The following DGKK variants were observed in gnomAD, a reference collection of about 807,000 sequenced individuals.
DGKK encodes the protein 142 kDa diacylglycerol kinase.
A neutral mutation model predicts 92.2 loss-of-function variants in DGKK; 35 were observed. The observed-to-expected ratio is 0.38, with a 90% CI of 0.29 to 0.50. The LOEUF (loss-of-function observed/expected upper bound fraction) is 0.50. Ranked by LOEUF, DGKK falls within the 20% of genes least tolerant of loss-of-function variation. DGKK has a pLI of 0.92. For synonymous variants in DGKK, 368 were observed against 360.6 expected (o/e 1.02, Z -0.23); for missense variants, 910 against 992.2 (o/e 0.92, Z 1.11).
intron 1 of DGKK, among the ~76,000 whole-genome samples, chrX:50,462,882 C>CTTTT (rs548003185): frequency 1.9e-4 from 3 of 15,786 alleles, no homozygotes; most frequent in African/African-American, 3.5e-4. Context: ...CCTTTCCTTG[C>CTTTT]TTTTTTTTTT....
At position 50,461,257 on chromosome X, in the gene DGKK, G is replaced by C. The variant is rs1025574476; in HGVS notation, c.645+8777C>G. Among the ~76,000 whole-genome samples the C allele has an allele frequency of 3.6e-5, 4 of 112,025 alleles. 1 individual carries two copies. Among genetic ancestry groups the C allele is most frequent in the Admixed American group, 2.8e-4 (3 of 10,582 alleles). ...GAACTTTAAGCTAAAATGAACAAGTGTTTCCTAAATCCAAGGTAGAATAAT... is the reference window on the plus strand; with the variant it reads ...GAACTTTAAGCTAAAATGAACAAGTCTTTCCTAAATCCAAGGTAGAATAAT... On this transcript the variant is annotated intron_variant, in intron 1 of 27. Coordinates refer to ENST00000611977, the MANE Select transcript of DGKK (RefSeq NM_001013742.4).
rs782452639 is a variant in DGKK, at chrX:50,470,268, C to T, written c.411G>A (p.Pro137=). The change falls in exon 1 of 28, where the codon CCG becomes CCA. Residue 137 remains proline (P), a synonymous_variant. Transcript: ENST00000611977. ...PEPALESVPE[P]APELTPEVAP... ...CAACTTCTGGAGTCAGCTCTGGGGC[C>T]GGCTCTGGGACCGACTCTAGGGCAG... 1 of 1,205,817 alleles carries T rather than the reference C, an allele frequency of 8.3e-7. No homozygotes were observed. The highest frequency in any genetic ancestry group is 3.0e-5 in the East Asian group (1 of 33,664).
rs149562186 is a variant in DGKK, at chrX:50,449,930, C to T, written c.645+20104G>A. Among the ~76,000 whole-genome samples, 25 of 110,963 alleles carry T rather than the reference C, an allele frequency of 2.3e-4. No homozygotes were observed. In the East Asian group the frequency reaches 5.5e-3, roughly 24 times the overall value. On this transcript the variant is annotated intron_variant, in intron 1 of 27. Transcript: ENST00000611977. ...AGAAAATGTGTAGATTAGCCTTCTG[C>T]GAGATGGACTTGAGAAACAAGGCAC...
At chrX:50,450,220 G>A (rs782085370) in intron 1 of DGKK, among the ~76,000 whole-genome samples, 1 of 112,414 alleles carries the variant, frequency 8.9e-6, no homozygotes, top group Non-Finnish European at 1.9e-5. Context: ...TCATTTGCTG[G>A]AAGTCCAAGG....
chrX:50,433,749 CAGTGAAAGGAATAGTATAAGTG>C (rs1925950312), intron 1 of DGKK, among the ~76,000 whole-genome samples: 1 of 111,323 alleles, frequency 9.0e-6, no homozygotes, highest in Middle Eastern at 4.2e-3. Context: ...ACAGGAAATC[CAGTGAAAGGAATAGTATAAGTG>C]GAAGCTTCAT....
chrX:50,458,196 A>C (rs965180880), intron 1 of DGKK, among the ~76,000 whole-genome samples: 7 of 111,110 alleles, frequency 6.3e-5, no homozygotes, highest in African/African-American at 2.3e-4. Flanking sequence ...TTTAGCATAG[A>C]AGAGGAGTGA....
rs782244421 is a variant in DGKK at position 50,404,199 on chromosome X, C to T, written c.943-15G>A. 1.4e-5 allele frequency: 17 copies of T among 1,190,951 alleles called. No homozygotes were observed. The highest frequency in any genetic ancestry group is 2.3e-4 in the Middle Eastern group (1 of 4,310). ...GCTGCAGGTATCTAAAATAAATAAA[C>T]GAGAAGAGAGAATGGAGGATGAATC... On this transcript the variant is annotated splice_polypyrimidine_tract_variant and intron_variant, in intron 4 of 27. Transcript: ENST00000611977.
chrX:50,451,108 A>G (rs1926484601), intron 1 of DGKK, among the ~76,000 whole-genome samples: 1 of 111,311 alleles, frequency 9.0e-6, no homozygotes, highest in African/African-American at 3.3e-5. Context: ...AACACAAAAT[A>G]GTTTTCTTCT....
chrX:50,398,886 T>A (rs2147127469), intron 8 of DGKK, among the ~76,000 whole-genome samples: 1 of 111,797 alleles, frequency 8.9e-6, no homozygotes, highest in South Asian at 3.8e-4. Flanking sequence ...CCAGCCTGAT[T>A]TTGCTCAGCT....
intron 7 of DGKK, 71 bp from the exon 8 acceptor site, chrX:50,401,210 A>C: frequency 1.1e-6 from 1 of 911,400 alleles, no homozygotes; most frequent in Non-Finnish European, 1.6e-6. Context: ...ATCAGTCTTG[A>C]GTTCCAATAC....
At chrX:50,411,827 A>G (rs1426268294) in intron 4 of DGKK, among the ~76,000 whole-genome samples, 3 of 111,978 alleles carry the variant, frequency 2.7e-5, no homozygotes, top group African/African-American at 9.7e-5. Context: ...AAAAAAACCT[A>G]AAGACTCTAC....
At chrX:50,384,065 G>T in intron 17 of DGKK, 103 bp downstream of exon 17, 1 of 462,021 alleles carries the variant, frequency 2.2e-6, no homozygotes, top group South Asian at 4.2e-5. Flanking sequence ...AGGTGACACA[G>T]CTAGTAAGTA....
At chrX:50,419,530 T>TAAGA (rs1484183120) in intron 4 of DGKK, among the ~76,000 whole-genome samples, 1 of 112,434 alleles carries the variant, frequency 8.9e-6, no homozygotes, top group Non-Finnish European at 1.9e-5. Flanking sequence ...CCTTTATCTC[T>TAAGA]AAGACCTTTA....
intron 16 of DGKK, among the ~76,000 whole-genome samples, chrX:50,384,483 GA>G (rs1271590493): frequency 3.6e-5 from 4 of 110,841 alleles, no homozygotes; most frequent in Non-Finnish European, 7.6e-5. Context: ...TGCTGGCAGT[GA>G]AAACAACTTC....
intron 8 of DGKK, among the ~76,000 whole-genome samples, chrX:50,400,046 T>G (rs1436522897): frequency 8.9e-6 from 1 of 111,993 alleles, no homozygotes; most frequent in Admixed American, 9.5e-5. Context: ...ACTTAGGCCC[T>G]TCACATATTA....
chrX:50,378,258 G>C, intron 21 of DGKK, 26 bp from the exon 22 acceptor site: 1 of 1,198,688 alleles, frequency 8.3e-7, no homozygotes. Flanking sequence ...AGGAAGAATG[G>C]GAGAGAAAAA....
intron 4 of DGKK, among the ~76,000 whole-genome samples, chrX:50,405,525 G>GGGGA (rs1228610491): frequency 2.9e-5 from 3 of 101,866 alleles, no homozygotes; most frequent in Non-Finnish European, 3.8e-5. Context: ...TTGACAGTGG[G>GGGGA]GGGAGAGAGA....
chrX:50,465,740 A>C (rs1728829896), intron 1 of DGKK, among the ~76,000 whole-genome samples: 1 of 111,497 alleles, frequency 9.0e-6, no homozygotes, highest in Admixed American at 9.5e-5. Context: ...TTCTTAGACA[A>C]ATGAGGATCC....
At chrX:50,401,602 A>T (rs145846523) in intron 7 of DGKK, among the ~76,000 whole-genome samples, 160 of 111,705 alleles carry the variant, frequency 1.4e-3, no homozygotes, top group African/African-American at 5.0e-3. Context: ...CCCAAGGTCA[A>T]ACAGCTGGGA....
Sources: allele counts gnomAD v4.1 joint callset (sites outside exome capture counted in the v4.1 genomes callset), GRCh38; gene constraint gnomAD v4.1.1; transcripts MANE v1.5; gene names NCBI Gene and HGNC (gene_info 2026-07-23, HGNC 2026-07-21).